Variants in CSPG4 observed in about 807,000 individuals in gnomAD.
CSPG4 encodes chondroitin sulfate proteoglycan 4 (melanoma-associated).
In CSPG4, 74 loss-of-function variants were observed where a neutral mutation model predicts 139.3. The ratio of observed to expected loss-of-function variants is 0.53; its 90% confidence interval spans 0.44 to 0.64. CSPG4 has a LOEUF of 0.64. Among genes scored for constraint, CSPG4 ranks in the 30% least tolerant of loss-of-function variants. CSPG4 has a pLI of 0.00. For missense variants in CSPG4, 2,565 were observed against 3,148.3 expected, an observed-to-expected ratio of 0.81 and a Z score of 4.43; for synonymous variants, 1,234 against 1,394.2, an observed-to-expected ratio of 0.89 and a Z score of 2.56.
chr15:75,711,833 T>C (rs1166705653), intron 1 of CSPG4, among the ~76,000 whole-genome samples: 4 of 152,166 alleles, frequency 2.6e-5, no homozygotes, highest in Non-Finnish European at 5.9e-5. Flanking sequence ...GGAAGAATGC[T>C]GTCATGTTGG....
In CSPG4 at chr15:75,676,720, C is replaced by G; in HGVS notation, c.5799G>C (p.Leu1933=). The part of the protein sequence containing the change: ...DGASPPLPMS[L]AVDILPSAIE... ...TGGCGGATGGTAGGATGTCCACAGC[C>G]AGGGACATGGGCAGGGGTGGGCTGG... Residue 1933 remains leucine, a synonymous_variant, in exon 10 of 10, where the codon CTG becomes CTC. Transcript: ENST00000308508. The G allele has an allele frequency of 1.3e-6, 2 of 1,586,164 alleles. No individual in the cohort carries two copies. Among genetic ancestry groups the G allele is most frequent in the Non-Finnish European group, 1.7e-6 (2 of 1,164,014 alleles).
chr15:75,674,948 C>A lies in CSPG4; in HGVS notation c.*602G>T. 2.5e-6 allele frequency: 1 copy of A among 397,398 alleles called. No homozygotes were observed. Among genetic ancestry groups the A allele is most frequent in the Non-Finnish European group, 4.4e-6 (1 of 225,774 alleles). 24.6% of individuals were successfully genotyped at this position (397,398 alleles called of 1,614,324 possible). On this transcript the variant is annotated 3_prime_UTR_variant, in exon 10 of 10. Coordinates refer to ENST00000308508, the MANE Select transcript of CSPG4 (RefSeq NM_001897.5). ...TAAACCCATCCCCAGAGCAACCTAC[C>A]CACCCTGCACCCTGAATATATTATC...
chr15:75,676,792 G>A lies in CSPG4; in HGVS notation c.5727C>T (p.Asn1909=), dbSNP rs761202291. The change falls in exon 10 of 10, where the codon AAC becomes AAT. Residue 1909 remains asparagine (N), a synonymous_variant. Coordinates refer to ENST00000308508, the MANE Select transcript of CSPG4 (RefSeq NM_001897.5). ...VDSGRLAFVA[N]GSSVAGIFQL... Reference sequence around the variant, plus strand: ...GGAAGATGCCTGCCACGCTGCTCCCGTTGGCCACGAAGGCCAGCCGCCCTG... The same window carrying A: ...GGAAGATGCCTGCCACGCTGCTCCCATTGGCCACGAAGGCCAGCCGCCCTG... The A allele has an allele frequency of 4.6e-5, 71 of 1,543,602 alleles. No homozygotes were observed. The highest frequency in any genetic ancestry group is 3.5e-4 in the Middle Eastern group (2 of 5,762).
rs761019616 is a variant in CSPG4 at position 75,685,503 on chromosome 15, C to A, written c.3988G>T (p.Asp1330Tyr). Residue 1330 changes from aspartate (D) to tyrosine (Y), a missense_variant, in exon 4 of 10, where the codon GAT becomes TAT. Asp to Tyr is a radical substitution (Grantham distance 160). Coordinates refer to ENST00000308508, the MANE Select transcript of CSPG4 (RefSeq NM_001897.5). ...GAGGCCACATCCAGCGAGAAGGCAT[C>A]GCTCCAGGCCTCAGGGCGGGAGTGC... ...YLHSRPEAWS[D>Y]AFSLDVASGL... is the part of the protein sequence containing the mutation. 2 of 1,610,472 alleles carry A rather than the reference C, an allele frequency of 1.2e-6. No homozygotes were observed. Among genetic ancestry groups the A allele is most frequent in the Non-Finnish European group, 8.5e-7 (1 of 1,179,326 alleles).
chr15:75,678,633 C>G (rs1398341743), intron 8 of CSPG4: 14 of 455,980 alleles, frequency 3.1e-5, no homozygotes, highest in South Asian at 2.0e-4. Context: ...GGATTACAGG[C>G]AGGAGGCACT....
At position 75,696,983 on chromosome 15, in the gene CSPG4, G is replaced by A. The variant is rs887485357; in HGVS notation, c.89-3750C>T. On this transcript the variant is annotated intron_variant, in intron 1 of 9. Transcript: ENST00000308508. The surrounding 1 kb of genome is among the most constrained non-coding windows in gnomAD (Gnocchi z 4.2). ...CCTGAGGCTTCCAGCCTGACACCCAGCCCTCTGTCTGACACCAGGCTCCGG... is the reference window on the plus strand; with the variant it reads ...CCTGAGGCTTCCAGCCTGACACCCAACCCTCTGTCTGACACCAGGCTCCGG... 6.6e-6 allele frequency among the ~76,000 whole-genome samples: 1 copy of A among 152,196 alleles called. No individual in the cohort carries two copies. The highest frequency in any genetic ancestry group is 1.5e-5 in the Non-Finnish European group (1 of 68,016).
Position 75,674,643 on chromosome 15 carries a change from G to C in CSPG4, c.*907C>G. 1 of 398,936 alleles carries C rather than the reference G, an allele frequency of 2.5e-6. No homozygotes were observed. The highest frequency in any genetic ancestry group is 3.6e-5 in the East Asian group (1 of 28,080). 24.7% of individuals were successfully genotyped at this position (398,936 alleles called of 1,614,324 possible). A position where few individuals can be genotyped will look rare whatever the true frequency, so the allele number is the denominator to read the frequency against. ...AGCTGTCCAGAGCCTCCAAAGCACT[G>C]TTTATCCAGGCTCCATGGAACCAAG... On this transcript the variant is annotated 3_prime_UTR_variant, in exon 10 of 10. Coordinates refer to ENST00000308508, the MANE Select transcript of CSPG4 (RefSeq NM_001897.5).
rs745742249 is a variant in CSPG4 at position 75,682,389 on chromosome 15, C to T, written c.4854G>A (p.Leu1618=). 4.4e-6 allele frequency: 7 copies of T among 1,596,464 alleles called. No homozygotes were observed. Among genetic ancestry groups the T allele is most frequent in the Non-Finnish European group, 5.9e-6 (7 of 1,179,546 alleles). The change falls in exon 8 of 10, where the codon CTG becomes CTA. Residue 1618 remains leucine (L), a synonymous_variant. Coordinates refer to ENST00000308508, the MANE Select transcript of CSPG4 (RefSeq NM_001897.5). Reference sequence around the variant, plus strand: ...GGGGGCCCCGCACCACACGGTAGAGCAGGAGCTGGGGGTCAGTGCCTGCGC... The same window carrying T: ...GGGGGCCCCGCACCACACGGTAGAGTAGGAGCTGGGGGTCAGTGCCTGCGC... ...SSSAGTDPQL[L]LYRVVRGPQL...
At chr15:75,693,826 C>G (rs916329928) in intron 1 of CSPG4, among the ~76,000 whole-genome samples, 6 of 152,244 alleles carry the variant, frequency 3.9e-5, no homozygotes, top group African/African-American at 1.4e-4. Flanking sequence ...CATGGCCCAC[C>G]TATCCCCGCT....
chr15:75,678,522 T>G (rs1170638852), intron 8 of CSPG4: 4 of 393,012 alleles, frequency 1.0e-5, no homozygotes, highest in South Asian at 7.4e-5. Flanking sequence ...CCAGCTATTT[T>G]TTTTTATTGT....
chr15:75,678,035 C>T (rs190925327), intron 8 of CSPG4, 149 bp from the exon 9 acceptor site: 168 of 697,692 alleles, frequency 2.4e-4, no homozygotes, highest in Middle Eastern at 2.0e-3. Context: ...CACTAACTCA[C>T]TGGGTCACAT....
chr15:75,709,706 A>G lies in CSPG4; in HGVS notation c.88+2962T>C, dbSNP rs576131412. 1.4e-3 allele frequency among the ~76,000 whole-genome samples: 210 copies of G among 151,502 alleles called. 5 individuals are homozygous for G. The South Asian group carries it at 0.041, about 30-fold the overall frequency. On this transcript the variant is annotated intron_variant, in intron 1 of 9. Transcript: ENST00000308508. ...CCTGGGCAGCACGCCCAGTTCCCAGACACAGCCTATACACTTCCTCTGAGA... is the reference window on the plus strand; with the variant it reads ...CCTGGGCAGCACGCCCAGTTCCCAGGCACAGCCTATACACTTCCTCTGAGA...
intron 2 of CSPG4, among the ~76,000 whole-genome samples, chr15:75,692,617 T>C (rs1894179384): frequency 6.6e-6 from 1 of 152,174 alleles, no homozygotes; most frequent in Non-Finnish European, 1.5e-5. Flanking sequence ...ATTGGTGCAG[T>C]GCCACCGGGA....
At chr15:75,706,710 T>C (rs575025005) in intron 1 of CSPG4, among the ~76,000 whole-genome samples, 60 of 151,908 alleles carry the variant, frequency 3.9e-4, no homozygotes, top group African/African-American at 1.3e-3. Context: ...GCAGCTTGAG[T>C]AGAAGTGGAA....
chr15:75,689,753 C>A lies in CSPG4; in HGVS notation c.1312G>T (p.Val438Leu), dbSNP rs1157879429. 49 of 1,612,584 alleles carry A rather than the reference C, an allele frequency of 3.0e-5. No homozygotes were observed. The highest frequency in any genetic ancestry group is 4.1e-5 in the Non-Finnish European group (48 of 1,179,722). The change falls in exon 3 of 10, where the codon GTG becomes TTG. Residue 438 changes from valine to leucine, a missense_variant. Physicochemically the swap from Val to Leu is conservative, Grantham distance 32. This residue lies in a region of CSPG4 where 2,316 missense variants were observed against 2,818.2 expected (regional missense o/e 0.82). Coordinates refer to ENST00000308508, the MANE Select transcript of CSPG4 (RefSeq NM_001897.5). ...FTQLLTISPL[V>L]VAEGGTAWLE... ...CAGGCTGTGCCCCCCTCGGCCACCACCAGTGGGCTGATAGTCAGCAGCTGG... is the reference window on the plus strand; with the variant it reads ...CAGGCTGTGCCCCCCTCGGCCACCAACAGTGGGCTGATAGTCAGCAGCTGG...
rs1366337786 is a variant in CSPG4 at position 75,682,611 on chromosome 15, GCAGA to G, written c.4775_4778del (p.Val1592AlafsTer36). 2 of 1,612,974 alleles carry G rather than the reference GCAGA, an allele frequency of 1.2e-6. No homozygotes were observed. Among genetic ancestry groups the G allele is most frequent in the Middle Eastern group, 1.6e-4 (1 of 6,062 alleles). Reference sequence around the variant, plus strand: ...GCCCATGATCAGCACACCCACCTGGGCAGACAGTCAGTGTCTGGCTGCCCTTCAG... The same window carrying G: ...GCCCATGATCAGCACACCCACCTGGGCAGTCAGTGTCTGGCTGCCCTTCAG... On this transcript the variant is annotated frameshift_variant, in exon 7 of 10. Transcript: ENST00000308508. LOFTEE classifies it high-confidence loss of function.
intron 1 of CSPG4, among the ~76,000 whole-genome samples, chr15:75,700,984 C>T (rs946965636): frequency 6.6e-6 from 1 of 152,172 alleles, no homozygotes; most frequent in Admixed American, 6.6e-5. Flanking sequence ...AGGGCTCACA[C>T]CCCCAGCACA....
chr15:75,704,949 C>T (rs963435435), intron 1 of CSPG4, among the ~76,000 whole-genome samples: 1 of 152,184 alleles, frequency 6.6e-6, no homozygotes, highest in African/African-American at 2.4e-5. Flanking sequence ...GAGGGACTCG[C>T]GAGGGGTTGG....
chr15:75,682,494 T>C (rs758589596), intron 7 of CSPG4, 35 bp from the exon 8 acceptor site: 14 of 1,572,632 alleles, frequency 8.9e-6, no homozygotes, highest in Non-Finnish European at 1.2e-5. Flanking sequence ...AGATTTTGAC[T>C]GGGAGCCAGG....
Sources: allele counts gnomAD v4.1 joint callset (sites outside exome capture counted in the v4.1 genomes callset), GRCh38; gene constraint gnomAD v4.1.1; regional missense constraint gnomAD v4.1.1; non-coding constraint Gnocchi (gnomAD v3.1); transcripts MANE v1.5; gene names NCBI Gene and HGNC (gene_info 2026-07-23, HGNC 2026-07-21).